PPFIA2: variants seen among roughly 807,000 people sequenced by gnomAD.
The protein encoded by PPFIA2 is PPFI scaffold protein A2, also known as liprin-alpha-2.
A neutral mutation model predicts 175.5 loss-of-function variants in PPFIA2; 46 were observed. That is an observed-to-expected ratio of 0.26 (90% CI 0.21 to 0.34). PPFIA2 has a LOEUF of 0.34. Among genes scored for constraint, PPFIA2 ranks in the 10% least tolerant of loss-of-function variants. The probability of loss-of-function intolerance (pLI) is 1.00; values close to 1 mark genes in which losing one functional copy is unlikely to be tolerated. For missense variants in PPFIA2, 1,179 were observed against 1,506.1 expected (o/e 0.78, Z 3.60); for synonymous variants, 568 against 511.4 (o/e 1.11, Z -1.49).
At chr12:81,403,468 G>C (rs1351543294) in intron 8 of PPFIA2, among the ~76,000 whole-genome samples, 1 of 152,194 alleles carries the variant, frequency 6.6e-6, no homozygotes, top group Non-Finnish European at 1.5e-5. Context: ...AGAGTAGGTA[G>C]TTAGGCAACC....
chr12:81,503,984 A>G (rs2060867169), intron 4 of PPFIA2, among the ~76,000 whole-genome samples: 1 of 152,072 alleles, frequency 6.6e-6, no homozygotes, highest in African/African-American at 2.4e-5. Flanking sequence ...GAGCAAAACA[A>G]TATATTTAAA....
intron 4 of PPFIA2, among the ~76,000 whole-genome samples, chr12:81,642,733 A>ATGTATATAATATATACATACAT (rs1555549557): frequency 1.2e-4 from 1 of 8,116 alleles, no homozygotes; most frequent in Non-Finnish European, 2.9e-4. Context: ...ACATACATGT[A>ATGTATATAATATATACATACAT]TATGTATGTA....
At chr12:81,405,359 GTATAT>G (rs1013351945) in intron 8 of PPFIA2, among the ~76,000 whole-genome samples, 22 of 152,050 alleles carry the variant, frequency 1.4e-4, no homozygotes, top group African/African-American at 2.2e-4. Flanking sequence ...GTTACCAATT[GTATAT>G]TATATCACTT....
intron 15 of PPFIA2, 43 bp from the exon 16 acceptor site, chr12:81,358,260 T>C: frequency 6.5e-7 from 1 of 1,528,482 alleles, no homozygotes; most frequent in African/African-American, 1.4e-5. Flanking sequence ...TCTCAAAAAT[T>C]AAACTTACCA....
At chr12:81,327,481 A>G (rs2055054791) in intron 21 of PPFIA2, among the ~76,000 whole-genome samples, 1 of 152,114 alleles carries the variant, frequency 6.6e-6, no homozygotes, top group African/African-American at 2.4e-5. Context: ...CTGTATATCA[A>G]TAAATTATTA....
At chr12:81,431,584 C>T (rs1469568356) in intron 7 of PPFIA2, among the ~76,000 whole-genome samples, 2 of 152,132 alleles carry the variant, frequency 1.3e-5, no homozygotes, top group African/African-American at 4.8e-5. Flanking sequence ...TTTGCCATTA[C>T]TAAAAGAACA....
chr12:81,329,097 C>G (rs928627857), intron 21 of PPFIA2, among the ~76,000 whole-genome samples: 3 of 152,100 alleles, frequency 2.0e-5, no homozygotes, highest in Non-Finnish European at 4.4e-5. Context: ...AGCCACCATG[C>G]CTGGCCTAGC....
chr12:81,634,611 AT>A (rs542121741), intron 4 of PPFIA2, among the ~76,000 whole-genome samples: 104 of 152,188 alleles, frequency 6.8e-4, no homozygotes, highest in Non-Finnish European at 1.3e-3. Flanking sequence ...GAAAAGTGGA[AT>A]AATTTTTCTT....
chr12:81,283,001 A>C lies in PPFIA2; in HGVS notation c.3018+9T>G. On this transcript the variant is annotated intron_variant, in intron 26 of 32. Coordinates refer to ENST00000549396, the MANE Select transcript of PPFIA2 (RefSeq NM_003625.5). ...ATATTAAGGGTCTTAAAGCATATGA[A>C]TCTCCTACCTGGGCCCAGCTTCCTT... is the stretch of plus-strand genomic sequence containing the variant. 1 of 1,610,348 alleles carries C rather than the reference A, an allele frequency of 6.2e-7. No homozygotes were observed. Among genetic ancestry groups the C allele is most frequent in the Non-Finnish European group, 8.5e-7 (1 of 1,177,082 alleles).
At chr12:81,634,170 G>T (rs575151112) in intron 4 of PPFIA2, among the ~76,000 whole-genome samples, 1 of 151,960 alleles carries the variant, frequency 6.6e-6, no homozygotes, top group African/African-American at 2.4e-5. Context: ...TGTTCTCATG[G>T]GCTGCTCTGT....
intron 4 of PPFIA2, among the ~76,000 whole-genome samples, chr12:81,656,634 A>G (rs1454080777): frequency 6.6e-6 from 1 of 152,106 alleles, no homozygotes; most frequent in Non-Finnish European, 1.5e-5. Flanking sequence ...AGGATTTTCT[A>G]TAAAAGTTCT....
chr12:81,691,579 C>T (rs1407060198), intron 3 of PPFIA2, among the ~76,000 whole-genome samples: 2 of 152,078 alleles, frequency 1.3e-5, no homozygotes, highest in African/African-American at 4.8e-5. Context: ...CTAAGTGAAT[C>T]ATTTCAACAG....
intron 4 of PPFIA2, among the ~76,000 whole-genome samples, chr12:81,474,346 G>A (rs11114874): frequency 0.025 from 3,778 of 152,098 alleles, 94 homozygotes; most frequent in East Asian, 0.12. Flanking sequence ...TAGTAGAGAC[G>A]GGGTCTTGCC....
intron 3 of PPFIA2, among the ~76,000 whole-genome samples, chr12:81,681,715 G>GA (rs5799548): frequency 0.015 from 2,192 of 146,342 alleles, 54 homozygotes; most frequent in East Asian, 0.046. Flanking sequence ...GTGTGCAAGT[G>GA]AAAAAAAAAA....
At chr12:81,310,909 G>T (rs1314299177) in intron 22 of PPFIA2, among the ~76,000 whole-genome samples, 1 of 151,998 alleles carries the variant, frequency 6.6e-6, no homozygotes, top group African/African-American at 2.4e-5. Flanking sequence ...CAAAGTACAA[G>T]AATTTGTACT....
chr12:81,390,604 C>T (rs976157091), intron 8 of PPFIA2, among the ~76,000 whole-genome samples: 1 of 151,634 alleles, frequency 6.6e-6, no homozygotes, highest in Non-Finnish European at 1.5e-5. Flanking sequence ...AATTATTTGC[C>T]TTCATATTAA....
At chr12:81,697,925 T>C (rs2076072415) in intron 3 of PPFIA2, among the ~76,000 whole-genome samples, 1 of 152,162 alleles carries the variant, frequency 6.6e-6, no homozygotes, top group Non-Finnish European at 1.5e-5. Flanking sequence ...CTAGATATCA[T>C]GTTTGGAACC....
chr12:81,632,482 ATTAAAATTCT>A (rs2063502550), intron 4 of PPFIA2, among the ~76,000 whole-genome samples: 1 of 152,160 alleles, frequency 6.6e-6, no homozygotes, highest in Non-Finnish European at 1.5e-5. Flanking sequence ...TGTACATTGC[ATTAAAATTCT>A]TAAAATGCAA....
intron 4 of PPFIA2, among the ~76,000 whole-genome samples, chr12:81,655,087 A>T (rs192560850): frequency 6.6e-6 from 1 of 152,038 alleles, no homozygotes; most frequent in Non-Finnish European, 1.5e-5. Context: ...TTTTAGATTC[A>T]TCAGTATAAA....
Sources: allele counts gnomAD v4.1 joint callset (sites outside exome capture counted in the v4.1 genomes callset), GRCh38; gene constraint gnomAD v4.1.1; transcripts MANE v1.5; gene names NCBI Gene and HGNC (gene_info 2026-07-23, HGNC 2026-07-21).